ZFPM2: variants seen among roughly 807,000 people sequenced by gnomAD.
ZFPM2 encodes the protein zinc finger protein, FOG family member 2, also known as zinc finger protein ZFPM2.
Under a neutral mutation model 98.6 loss-of-function variants are expected in ZFPM2, and 20 were observed. That is an observed-to-expected ratio of 0.20 (90% confidence interval 0.14 to 0.29). The LOEUF is 0.29. Among genes scored for constraint, ZFPM2 ranks in the 10% least tolerant of loss-of-function variants. The probability of loss-of-function intolerance (pLI) is 1.00; values close to 1 mark genes in which losing one functional copy is unlikely to be tolerated. For synonymous variants in ZFPM2, 518 were observed against 502.7 expected (o/e 1.03, Z -0.41); for missense variants, 1,310 against 1,388.6 (o/e 0.94, Z 0.90).
Position 105,742,964 on chromosome 8 carries a change from G to C in ZFPM2, c.533-45754G>C, listed in dbSNP as rs193018153. The stretch of plus-strand genomic sequence containing the variant: ...ATTAAATCAGGAGCAAATTGGGAGA[G>C]AATACAGGAGATAATGTTTCAAGAG... On this transcript the variant is annotated intron_variant, in intron 5 of 7. Coordinates refer to ENST00000407775, the MANE Select transcript of ZFPM2 (RefSeq NM_012082.4). Among the ~76,000 whole-genome samples, 50 of 152,146 alleles carry C rather than the reference G, an allele frequency of 3.3e-4. 1 individual carries two copies. The highest frequency in any genetic ancestry group is 3.1e-3 in the Admixed American group (47 of 15,272).
At chr8:105,325,223 G>T (rs1358695772) in intron 1 of ZFPM2, among the ~76,000 whole-genome samples, 1 of 151,838 alleles carries the variant, frequency 6.6e-6, no homozygotes, top group Non-Finnish European at 1.5e-5. Flanking sequence ...AGATAAAGAG[G>T]TAAGTATGTA....
chr8:105,801,990 G>T lies in ZFPM2; in HGVS notation c.1908G>T (p.Gly636=), dbSNP rs1179325734. ...INSSTVLDLI[G]PNGKGHDKDF... ...CTTCCACTGTCTTAGATTTAATTGG[G>T]CCAAATGGGAAGGGCCATGACAAGG... The change falls in exon 8 of 8, where the codon GGG becomes GGT. Residue 636 remains glycine, a synonymous_variant. Transcript: ENST00000407775. The T allele has an allele frequency of 1.9e-6, 3 of 1,613,724 alleles. No homozygotes were observed.
intron 4 of ZFPM2, among the ~76,000 whole-genome samples, chr8:105,604,917 C>T (rs925948414): frequency 6.6e-6 from 1 of 151,934 alleles, no homozygotes; most frequent in African/African-American, 2.4e-5. Context: ...GTATGTTTTG[C>T]TATTTCACCA....
chr8:105,420,985 A>G (rs1229654944), intron 2 of ZFPM2, among the ~76,000 whole-genome samples: 1 of 152,136 alleles, frequency 6.6e-6, no homozygotes. Flanking sequence ...TTAATGAAAG[A>G]GTAAGGGTTC....
In ZFPM2 at chr8:105,631,096, T is replaced by C. The variant is rs200497489; in HGVS notation, c.421-3150T>C. ...ATTTTTCAGTTGCAATTTTCTTATCTGAAAATATACATGAGGACTAGGTAA... is the reference window on the plus strand; with the variant it reads ...ATTTTTCAGTTGCAATTTTCTTATCCGAAAATATACATGAGGACTAGGTAA... On this transcript the variant is annotated intron_variant, in intron 4 of 7. Transcript: ENST00000407775. Among the ~76,000 whole-genome samples, 13 of 152,292 alleles carry C rather than the reference T, an allele frequency of 8.5e-5. No individual in the cohort carries two copies. The East Asian group carries it at 2.5e-3, about 29-fold the overall frequency.
chr8:105,615,279 G>C (rs1225455538), intron 4 of ZFPM2, among the ~76,000 whole-genome samples: 3 of 152,046 alleles, frequency 2.0e-5, no homozygotes, highest in African/African-American at 4.8e-5. Context: ...TGCCTTATCT[G>C]GGGTGCACAG....
intron 1 of ZFPM2, among the ~76,000 whole-genome samples, chr8:105,335,853 C>T (rs1164125706): frequency 2.0e-5 from 3 of 151,898 alleles, no homozygotes; most frequent in East Asian, 1.9e-4. Context: ...TGGCCTGCTA[C>T]GTGCAGCGTA....
chr8:105,526,540 T>G (rs1814178000), intron 3 of ZFPM2, among the ~76,000 whole-genome samples: 1 of 152,180 alleles, frequency 6.6e-6, no homozygotes, highest in Non-Finnish European at 1.5e-5. Flanking sequence ...GCCTCTTTGA[T>G]TTTTTAAATT....
chr8:105,345,844 T>A (rs554885480), intron 1 of ZFPM2, among the ~76,000 whole-genome samples: 1 of 152,298 alleles, frequency 6.6e-6, no homozygotes, highest in Non-Finnish European at 1.5e-5. Context: ...GATTCCATTT[T>A]TTTCCTAGAA....
intron 5 of ZFPM2, among the ~76,000 whole-genome samples, chr8:105,651,983 A>G (rs749399835): frequency 1.1e-4 from 17 of 152,156 alleles, no homozygotes; most frequent in Admixed American, 3.3e-4. Context: ...GCATATATAC[A>G]TAGCATATAT....
rs942357792 is a variant in ZFPM2 at position 105,609,108 on chromosome 8, G to A, written c.421-25138G>A. ...ATATCAACAAGTACAAAATGGCACA[G>A]CACAATTATATTCCCAGGGGACATA... On this transcript the variant is annotated intron_variant, in intron 4 of 7. Coordinates refer to ENST00000407775, the MANE Select transcript of ZFPM2 (RefSeq NM_012082.4). 8.5e-5 allele frequency among the ~76,000 whole-genome samples: 13 copies of A among 152,196 alleles called. 1 individual carries two copies. The highest frequency in any genetic ancestry group is 4.1e-4 in the South Asian group (2 of 4,822).
intron 5 of ZFPM2, among the ~76,000 whole-genome samples, chr8:105,682,911 A>G (rs1173910593): frequency 6.6e-6 from 1 of 152,118 alleles, no homozygotes; most frequent in African/African-American, 2.4e-5. Context: ...GTTCAGGCTG[A>G]TGTAACAAAA....
chr8:105,351,809 G>A (rs1170076899), intron 1 of ZFPM2, among the ~76,000 whole-genome samples: 2 of 151,486 alleles, frequency 1.3e-5, no homozygotes, highest in East Asian at 3.9e-4. Context: ...AAAGATGGGA[G>A]GTCATTTTTC....
chr8:105,356,647 T>A (rs2129737582), intron 1 of ZFPM2, among the ~76,000 whole-genome samples: 1 of 152,336 alleles, frequency 6.6e-6, no homozygotes, highest in African/African-American at 2.4e-5. Flanking sequence ...TGTGCAGAAA[T>A]AATGTTCTAC....
Position 105,684,243 on chromosome 8 carries a change from G to A in ZFPM2, c.532+49886G>A, listed in dbSNP as rs553099801. Among the ~76,000 whole-genome samples the A allele has an allele frequency of 6.6e-5, 10 of 152,094 alleles. No homozygotes were observed. In the South Asian group the frequency reaches 8.3e-4, roughly 13 times the overall value. On this transcript the variant is annotated intron_variant, in intron 5 of 7. Coordinates refer to ENST00000407775, the MANE Select transcript of ZFPM2 (RefSeq NM_012082.4). Reference sequence around the variant, plus strand: ...AGTTATTACTTAATTTGTTATATACGTCCCTTCCTTTTTTCACAAAGGACT... The same window carrying A: ...AGTTATTACTTAATTTGTTATATACATCCCTTCCTTTTTTCACAAAGGACT...
intron 1 of ZFPM2, among the ~76,000 whole-genome samples, chr8:105,394,028 A>G (rs983280372): frequency 2.6e-5 from 4 of 151,254 alleles, no homozygotes; most frequent in Admixed American, 6.6e-5. Context: ...CAAGTAGCTG[A>G]GACTACAGGC....
Position 105,780,244 on chromosome 8 carries a change from G to GA in ZFPM2, c.533-8472dup, listed in dbSNP as rs1298770048. ...AACCTTTCCATTTGGTGGAAGCGAG[G>GA]AAGGTATCAGATAGCTGCTTCAGTG... On this transcript the variant is annotated intron_variant, in intron 5 of 7. Transcript: ENST00000407775. 2.6e-5 allele frequency: 4 copies of GA among 152,184 alleles called. No homozygotes were observed. In the East Asian group the frequency reaches 7.7e-4, roughly 29 times the overall value. 9.4% of individuals were successfully genotyped at this position (152,184 alleles called of 1,614,324 possible).
chr8:105,662,407 CT>C (rs1396460078), intron 5 of ZFPM2: 2 of 152,234 alleles, frequency 1.3e-5, no homozygotes, highest in Middle Eastern at 3.4e-3. Context: ...AAGTCCTAAC[CT>C]AACCCCTGTA....
chr8:105,432,010 AGAGGGAACAGCATTTGAGC>A (rs1270261317), intron 2 of ZFPM2, among the ~76,000 whole-genome samples: 32 of 152,036 alleles, frequency 2.1e-4, no homozygotes, highest in Admixed American at 2.1e-3. Flanking sequence ...AGTTTCAGGT[AGAGGGAACAGCATTTGAGC>A]GACACCAGCC....
Sources: gnomAD v4.1 joint callset for allele counts (sites outside exome capture counted in the v4.1 genomes callset) on GRCh38, gnomAD v4.1.1 for gene constraint, MANE v1.5 for transcripts, NCBI Gene and HGNC (gene_info 2026-07-23, HGNC 2026-07-21) for gene names.